RTN3: variants seen among roughly 807,000 people sequenced by gnomAD.
RTN3 encodes the protein reticulon-3.
Under a neutral mutation model 77.8 loss-of-function variants are expected in RTN3, and 49 were observed. The ratio of observed to expected loss-of-function variants is 0.63; its 90% CI spans 0.50 to 0.80. RTN3 has a LOEUF of 0.80. Among genes scored for constraint, RTN3 ranks in the 30% least tolerant of loss-of-function variants. The probability of loss-of-function intolerance (pLI) is 0.00; values close to 1 mark genes in which losing one functional copy is unlikely to be tolerated. For synonymous variants in RTN3, 464 were observed against 446.9 expected (o/e 1.04, Z -0.48); for missense variants, 1,236 against 1,211.9 (o/e 1.02, Z -0.29).
rs2014572578 is a variant in RTN3, at chr11:63,759,745, T to C, written c.*1544T>C. The C allele has an allele frequency of 6.6e-6, 1 of 151,352 alleles. No homozygotes were observed. Among genetic ancestry groups the C allele is most frequent in the African/African-American group, 2.4e-5 (1 of 40,994 alleles). 9.4% of individuals were successfully genotyped at this position (151,352 alleles called of 1,614,324 possible). On this transcript the variant is annotated 3_prime_UTR_variant, in exon 9 of 9. Transcript: ENST00000377819. Reference sequence around the variant, plus strand: ...TTTTTTTTTTTTTTTAAGAAAAACCTATAGATGAAAAATTACTAATGAAAC... The same window carrying C: ...TTTTTTTTTTTTTTTAAGAAAAACCCATAGATGAAAAATTACTAATGAAAC...
In RTN3 at chr11:63,719,059, A is replaced by T. The variant is rs1458116639; in HGVS notation, c.557A>T (p.Asn186Ile). 1 of 1,614,090 alleles carries T rather than the reference A, an allele frequency of 6.2e-7. No homozygotes were observed. Among genetic ancestry groups the T allele is most frequent in the African/African-American group, 1.3e-5 (1 of 74,936 alleles). ...VEEQIDKETK[N>I]PNGVSSREAK... is the part of the protein sequence containing the mutation. ...GAGCAAATAGATAAAGAGACCAAGA[A>T]CCCAAATGGGGTATCAAGTAGGGAG... Residue 186 changes from asparagine to isoleucine, a missense_variant, in exon 3 of 9, where the codon AAC becomes ATC. This residue lies in a region of RTN3 where 1,056 missense variants were observed against 990.4 expected (regional missense o/e 1.07). Transcript: ENST00000377819.
At chr11:63,738,500 G>A (rs1411625146) in intron 3 of RTN3, among the ~76,000 whole-genome samples, 1 of 151,988 alleles carries the variant, frequency 6.6e-6, no homozygotes, top group Non-Finnish European at 1.5e-5. Context: ...AAATTAGCCA[G>A]GCATGGTGGC....
At chr11:63,741,203 TTA>T (rs1491017915) in intron 3 of RTN3, among the ~76,000 whole-genome samples, 30 of 146,266 alleles carry the variant, frequency 2.1e-4, no homozygotes, top group Non-Finnish European at 4.2e-4. Flanking sequence ...ATTTATTTAT[TTA>T]TTTATTTATT....
chr11:63,702,232 A>G (rs1022393512), intron 1 of RTN3, among the ~76,000 whole-genome samples: 6 of 151,258 alleles, frequency 4.0e-5, no homozygotes, highest in Non-Finnish European at 5.9e-5. Flanking sequence ...TTCTTTTTTC[A>G]TCATTTTTAT....
intron 3 of RTN3, among the ~76,000 whole-genome samples, chr11:63,730,819 C>G (rs988983522): frequency 1.3e-5 from 2 of 151,716 alleles, no homozygotes; most frequent in South Asian, 2.1e-4. Flanking sequence ...CCCTGTCTCC[C>G]AAAAAGGCAG....
intron 1 of RTN3, among the ~76,000 whole-genome samples, chr11:63,700,361 A>C (rs1342751993): frequency 7.0e-6 from 1 of 143,592 alleles, no homozygotes; most frequent in Non-Finnish European, 1.5e-5. Context: ...CTGCAGCCTC[A>C]GCTTCCTGGC....
chr11:63,700,973 C>T (rs556109135), intron 1 of RTN3, among the ~76,000 whole-genome samples: 1 of 151,602 alleles, frequency 6.6e-6, no homozygotes, highest in South Asian at 2.1e-4. Flanking sequence ...GCCTGTAGTC[C>T]CAGCTACTCG....
At position 63,758,318 on chromosome 11, in the gene RTN3, T is replaced by A. The variant is rs1177022070; in HGVS notation, c.*117T>A. The A allele has an allele frequency of 1.9e-6, 3 of 1,612,980 alleles. No individual in the cohort carries two copies. The Admixed American group carries it at 5.0e-5, about 27-fold the overall frequency. On this transcript the variant is annotated 3_prime_UTR_variant, in exon 9 of 9. Transcript: ENST00000377819. Reference sequence around the variant, plus strand: ...CAGCTTGAGCCTGCATTCCAAGCTTTTTTTTTAATTTGGTGTTTTCTCCCA... The same window carrying A: ...CAGCTTGAGCCTGCATTCCAAGCTTATTTTTTAATTTGGTGTTTTCTCCCA...
intron 2 of RTN3, among the ~76,000 whole-genome samples, chr11:63,717,099 G>C (rs1293145596): frequency 1.3e-5 from 2 of 151,964 alleles, no homozygotes; most frequent in Non-Finnish European, 2.9e-5. Context: ...GGAGGTCAAG[G>C]CTGCAGTGAG....
In RTN3 at chr11:63,717,647, A is replaced by C. The variant is rs531581711; in HGVS notation, c.200-1055A>C. On this transcript the variant is annotated intron_variant, in intron 2 of 8. Coordinates refer to ENST00000377819, the MANE Select transcript of RTN3 (RefSeq NM_001265589.2). The stretch of plus-strand genomic sequence containing the variant: ...TCAGGTGAGCCACTGCACCCAGCCA[A>C]GTTAACTCTGTCTTAACCAAAGAAA... Among the ~76,000 whole-genome samples the C allele has an allele frequency of 2.2e-4, 34 of 152,048 alleles. No homozygotes were observed. In the South Asian group the frequency reaches 6.6e-3, roughly 30 times the overall value.
intron 1 of RTN3, among the ~76,000 whole-genome samples, chr11:63,684,130 TTTTTTTTTTTTTTTTTTTTTTTTTGG>T (rs1277593997): frequency 4.5e-4 from 1 of 2,200 alleles, no homozygotes; most frequent in Non-Finnish European, 4.0e-3. Flanking sequence ...TTTCTTTTGG[TTTTTTTTTTTTTTTTTTTTTTTTTGG>T]TTTTTTTTTT....
At chr11:63,735,605 T>TCTCTCTCTCTCTCTCTCTCTCTCTC (rs1367361695) in intron 3 of RTN3, among the ~76,000 whole-genome samples, 1 of 149,350 alleles carries the variant, frequency 6.7e-6, no homozygotes, top group African/African-American at 2.5e-5. Flanking sequence ...TCTCTCTTTC[T>TCTCTCTCTCTCTCTCTCTCTCTCTC]TTCAACCCCT....
intron 3 of RTN3, among the ~76,000 whole-genome samples, chr11:63,722,534 G>A (rs2011895806): frequency 6.6e-6 from 1 of 152,146 alleles, no homozygotes; most frequent in Non-Finnish European, 1.5e-5. Context: ...TGCCACATAA[G>A]TAGTACTGGA....
chr11:63,715,411 C>T (rs2011331904), intron 2 of RTN3, among the ~76,000 whole-genome samples: 1 of 152,100 alleles, frequency 6.6e-6, no homozygotes, highest in Admixed American at 6.5e-5. Flanking sequence ...AATCCTAGTA[C>T]TTTGTGAGGC....
chr11:63,734,977 G>A (rs1188271194), intron 3 of RTN3, among the ~76,000 whole-genome samples: 1 of 152,062 alleles, frequency 6.6e-6, no homozygotes, highest in African/African-American at 2.4e-5. Context: ...ATATTAGGTT[G>A]ATAAACAAAA....
At position 63,709,998 on chromosome 11, in the gene RTN3, C is replaced by T. The variant is rs997662374; in HGVS notation, c.199+5091C>T. Among the ~76,000 whole-genome samples the T allele has an allele frequency of 2.0e-5, 3 of 152,180 alleles. No individual in the cohort carries two copies. In the South Asian group the frequency reaches 6.2e-4, roughly 31 times the overall value. ...AACTATTTACTCTTTTTAGGAAGAA[C>T]TCTTTGATATAGGATATAACATTCC... is the stretch of plus-strand genomic sequence containing the variant. On this transcript the variant is annotated intron_variant, in intron 2 of 8. Transcript: ENST00000377819.
rs1565333425 is a variant in RTN3 at position 63,734,774 on chromosome 11, CACACA to C, written c.2530+13743_2530+13747del. On this transcript the variant is annotated intron_variant, in intron 3 of 8. Coordinates refer to ENST00000377819, the MANE Select transcript of RTN3 (RefSeq NM_001265589.2). The stretch of plus-strand genomic sequence containing the variant: ...ACACACACACACACACACACACACA[CACACA>C]CACCATACTGGAGGTCCTAGCCACT... 2.4e-3 allele frequency among the ~76,000 whole-genome samples: 360 copies of C among 148,874 alleles called. 1 individual carries two copies. The highest frequency in any genetic ancestry group is 8.4e-3 in the African/African-American group (337 of 40,252).
At chr11:63,746,704 C>CG (rs1042574008) in intron 3 of RTN3, among the ~76,000 whole-genome samples, 2 of 151,916 alleles carry the variant, frequency 1.3e-5, no homozygotes, top group African/African-American at 2.4e-5. Context: ...TTAGTAGAGA[C>CG]GGGGTTTCAC....
At chr11:63,729,896 A>T (rs1033734280) in intron 3 of RTN3, among the ~76,000 whole-genome samples, 1 of 151,916 alleles carries the variant, frequency 6.6e-6, no homozygotes, top group African/African-American at 2.4e-5. Flanking sequence ...AGGCTCAAGC[A>T]ATCCTCCCAC....
Sources: allele counts gnomAD v4.1 joint callset (sites outside exome capture counted in the v4.1 genomes callset), GRCh38; gene constraint gnomAD v4.1.1; regional missense constraint gnomAD v4.1.1; transcripts MANE v1.5; gene names NCBI Gene and HGNC (gene_info 2026-07-23, HGNC 2026-07-21).